AGAP1: variants seen among roughly 807,000 people sequenced by gnomAD.
The protein encoded by AGAP1 is ArfGAP with GTPase domain, ankyrin repeat and PH domain 1.
AGAP1 carries 29 observed loss-of-function variants against 105.3 expected under a neutral mutation model. The observed-to-expected ratio is 0.28, with a 90% CI of 0.21 to 0.38. AGAP1 has a LOEUF of 0.38. Among genes scored for constraint, AGAP1 ranks in the 10% least tolerant of loss-of-function variants. The pLI is 1.00. For missense variants in AGAP1, 998 were observed against 1,165.1 expected, an observed-to-expected ratio of 0.86 and a Z score of 2.09; for synonymous variants, 509 against 485.9, an observed-to-expected ratio of 1.05 and a Z score of -0.63.
rs61111847 is a variant in AGAP1 at position 235,677,906 on chromosome 2, C to CAAAAAAAAAA, written c.164-31231_164-31222dup. Among the ~76,000 whole-genome samples the CAAAAAAAAAA allele has an allele frequency of 6.3e-5, 4 of 62,998 alleles. 1 individual carries two copies. The highest frequency in any genetic ancestry group is 1.3e-4 in the Non-Finnish European group (4 of 31,058). 41.3% of individuals were successfully genotyped at this position (62,998 alleles called of 152,430 possible). A position where few individuals can be genotyped will look rare whatever the true frequency, so the allele number is the denominator to read the frequency against. Reference sequence around the variant, plus strand: ...CTTTCTGCCCCCATTAGCTCTTTACCAAAAAAAAAAAAAAAAAAAAAAAAA... The same window carrying CAAAAAAAAAA: ...CTTTCTGCCCCCATTAGCTCTTTACCAAAAAAAAAAAAAAAAAAAAAAAAAAAAAAAAAAA... On this transcript the variant is annotated intron_variant, in intron 1 of 17. Coordinates refer to ENST00000304032, the MANE Select transcript of AGAP1 (RefSeq NM_001037131.3).
chr2:236,077,306 T>C (rs896362334), intron 16 of AGAP1, among the ~76,000 whole-genome samples: 2 of 150,866 alleles, frequency 1.3e-5, no homozygotes, highest in Non-Finnish European at 2.9e-5. Flanking sequence ...CATCTTCTCA[T>C]GTCCTTATGT....
chr2:235,977,672 A>G lies in AGAP1; in HGVS notation c.1645+9049A>G, dbSNP rs1427743925. Among the ~76,000 whole-genome samples the G allele has an allele frequency of 6.6e-6, 1 of 152,146 alleles. No individual in the cohort carries two copies. The highest frequency in any genetic ancestry group is 2.4e-5 in the African/African-American group (1 of 41,442). On this transcript the variant is annotated intron_variant, in intron 13 of 17. Coordinates refer to ENST00000304032, the MANE Select transcript of AGAP1 (RefSeq NM_001037131.3). This position sits in a 1 kb window ranked among gnomAD's most constrained non-coding sequence, Gnocchi z 5.2. ...CTGAGCTCGCTTTGTCTTTCCTCCCAGGCCTGGCAATAATGAAACTAGGCA... is the reference window on the plus strand; with the variant it reads ...CTGAGCTCGCTTTGTCTTTCCTCCCGGGCCTGGCAATAATGAAACTAGGCA...
rs1349868051 is a variant in AGAP1 at position 235,988,726 on chromosome 2, T to C, written c.1645+20103T>C. 6.6e-6 allele frequency among the ~76,000 whole-genome samples: 1 copy of C among 152,202 alleles called. No homozygotes were observed. The highest frequency in any genetic ancestry group is 1.5e-5 in the Non-Finnish European group (1 of 68,040). Reference sequence around the variant, plus strand: ...TATTTTTTTCCCGCCGACTCCACTCTGGCCAAGACGAGCTCTCAGATTGCA... The same window carrying C: ...TATTTTTTTCCCGCCGACTCCACTCCGGCCAAGACGAGCTCTCAGATTGCA... On this transcript the variant is annotated intron_variant, in intron 13 of 17. Coordinates refer to ENST00000304032, the MANE Select transcript of AGAP1 (RefSeq NM_001037131.3). The surrounding 1 kb of genome is among the most constrained non-coding windows in gnomAD (Gnocchi z 4.7).
rs1951255953 is a variant in AGAP1, at chr2:235,719,077, C to G, written c.310+1433C>G. Among the ~76,000 whole-genome samples, 2 of 152,184 alleles carry G rather than the reference C, an allele frequency of 1.3e-5. No individual in the cohort carries two copies. Among genetic ancestry groups the G allele is most frequent in the Admixed American group, 6.5e-5 (1 of 15,290 alleles). ...TAGAGGTTATACAGAGGTTAACTCA[C>G]CTGCAAATGAAATGACCACCTTTTC... On this transcript the variant is annotated intron_variant, in intron 3 of 17. Transcript: ENST00000304032. The surrounding 1 kb of genome is among the most constrained non-coding windows in gnomAD (Gnocchi z 4.9).
chr2:236,102,163 A>G (rs1027784705), intron 16 of AGAP1, among the ~76,000 whole-genome samples: 50 of 152,264 alleles, frequency 3.3e-4, no homozygotes, highest in African/African-American at 8.9e-4. Context: ...CACGCCTGTA[A>G]TCCCAGCACT....
intron 1 of AGAP1, among the ~76,000 whole-genome samples, chr2:235,510,804 T>C (rs1401513431): frequency 2.6e-5 from 4 of 151,740 alleles, no homozygotes; most frequent in Admixed American, 2.0e-4. Context: ...TGGGAGGCTA[T>C]AGGAGTGAGG....
Position 236,089,363 on chromosome 2 carries a change from A to G in AGAP1, c.2115-30829A>G, listed in dbSNP as rs1045695022. Among the ~76,000 whole-genome samples, 5 of 152,242 alleles carry G rather than the reference A, an allele frequency of 3.3e-5. No individual in the cohort carries two copies. Among genetic ancestry groups the G allele is most frequent in the African/African-American group, 1.2e-4 (5 of 41,460 alleles). On this transcript the variant is annotated intron_variant, in intron 16 of 17. Transcript: ENST00000304032. This position sits in a 1 kb window ranked among gnomAD's most constrained non-coding sequence, Gnocchi z 5.6. ...GGACACATGTGTCTCTGTGCCTCTC[A>G]GTCTCCCAGTTGCAAAGATGCCATC... is the stretch of plus-strand genomic sequence containing the variant.
chr2:235,778,085 G>A (rs1956017267), intron 6 of AGAP1, among the ~76,000 whole-genome samples: 1 of 152,074 alleles, frequency 6.6e-6, no homozygotes, highest in Non-Finnish European at 1.5e-5. Context: ...TTAAATATCA[G>A]CTGTGTCCTT....
At chr2:236,018,649 G>A (rs1436668443) in intron 13 of AGAP1, among the ~76,000 whole-genome samples, 1 of 152,212 alleles carries the variant, frequency 6.6e-6, no homozygotes, top group Non-Finnish European at 1.5e-5. Flanking sequence ...CATTTCTTGG[G>A]ATGCCAAGCC....
intron 9 of AGAP1, among the ~76,000 whole-genome samples, chr2:235,816,795 GC>G (rs1178752954): frequency 6.6e-6 from 1 of 151,914 alleles, no homozygotes; most frequent in African/African-American, 2.4e-5. Flanking sequence ...GGAAGCCGAG[GC>G]ATGAGAATCG....
intron 9 of AGAP1, among the ~76,000 whole-genome samples, chr2:235,822,483 T>C (rs1958847095): frequency 1.3e-5 from 2 of 151,442 alleles, no homozygotes; most frequent in Admixed American, 1.3e-4. Flanking sequence ...GAGGAAGAGC[T>C]GGAGAAGCTC....
At chr2:235,672,013 T>G (rs1948459502) in intron 1 of AGAP1, among the ~76,000 whole-genome samples, 1 of 151,992 alleles carries the variant, frequency 6.6e-6, no homozygotes, top group African/African-American at 2.4e-5. Context: ...CTGAAGATAT[T>G]GTGGCCACAG....
intron 16 of AGAP1, among the ~76,000 whole-genome samples, chr2:236,110,938 T>G (rs999833616): frequency 1.5e-4 from 23 of 152,120 alleles, no homozygotes; most frequent in African/African-American, 5.6e-4. Flanking sequence ...TAGGGTTCGG[T>G]CTCTGCTTCA....
rs1945108549 is a variant in AGAP1, at chr2:235,586,252, A to G, written c.163+91403A>G. ...CATACGGGCATGTTATCCAGAAGAG[A>G]GGAGAGAGAAGCCCGCTGCACTCTC... is the stretch of plus-strand genomic sequence containing the variant. On this transcript the variant is annotated intron_variant, in intron 1 of 17. Coordinates refer to ENST00000304032, the MANE Select transcript of AGAP1 (RefSeq NM_001037131.3). The surrounding 1 kb of genome is among the most constrained non-coding windows in gnomAD (Gnocchi z 4.2). Among the ~76,000 whole-genome samples the G allele has an allele frequency of 6.6e-6, 1 of 152,164 alleles. No homozygotes were observed.
chr2:236,029,668 T>C (rs1167688702), intron 13 of AGAP1, among the ~76,000 whole-genome samples: 1 of 152,022 alleles, frequency 6.6e-6, no homozygotes, highest in Non-Finnish European at 1.5e-5. Context: ...AAAAATATAT[T>C]TTGTTCTTTC....
intron 1 of AGAP1, among the ~76,000 whole-genome samples, chr2:235,590,161 G>A (rs142844947): frequency 0.013 from 1,936 of 152,166 alleles, 44 homozygotes; most frequent in African/African-American, 0.044. Context: ...GATTCCAGGC[G>A]TGAGCCACCG....
At chr2:235,810,235 G>A (rs926762082) in intron 9 of AGAP1, among the ~76,000 whole-genome samples, 2 of 152,140 alleles carry the variant, frequency 1.3e-5, no homozygotes, top group South Asian at 2.1e-4. Context: ...GCCATTCTCC[G>A]GGTGGGAGGC....
intron 1 of AGAP1, among the ~76,000 whole-genome samples, chr2:235,674,686 T>G (rs1009008413): frequency 6.6e-6 from 1 of 150,992 alleles, no homozygotes; most frequent in Non-Finnish European, 1.5e-5. Context: ...TACTGTAGGG[T>G]GATAGACTTT....
intron 6 of AGAP1, among the ~76,000 whole-genome samples, chr2:235,761,211 G>A (rs914585178): frequency 6.6e-6 from 1 of 152,178 alleles, no homozygotes; most frequent in Non-Finnish European, 1.5e-5. Flanking sequence ...AGAATATTGT[G>A]TTAATAGAGC....
Sources: gnomAD v4.1 joint callset for allele counts (sites outside exome capture counted in the v4.1 genomes callset) on GRCh38, gnomAD v4.1.1 for gene constraint, Gnocchi (gnomAD v3.1) non-coding constraint, MANE v1.5 for transcripts, NCBI Gene and HGNC (gene_info 2026-07-23, HGNC 2026-07-21) for gene names.